The following LDLRAP1 variants were observed in gnomAD, a reference collection of about 807,000 sequenced individuals.
LDLRAP1 encodes low density lipoprotein receptor adaptor protein 1, also known as low density lipoprotein receptor adapter protein 1.
A neutral mutation model predicts 37.8 loss-of-function variants in LDLRAP1; 30 were observed. The observed-to-expected ratio is 0.79, with a 90% CI of 0.59 to 1.08. The LOEUF is 1.08. Among genes scored for constraint, LDLRAP1 ranks in the 50% least tolerant of loss-of-function variants. The pLI is 0.00. For missense variants in LDLRAP1, 375 were observed against 401.6 expected (o/e 0.93, Z 0.57); for synonymous variants, 156 against 169.8 (o/e 0.92, Z 0.63).
chr1:25,577,717 C>T, the LDLRAP1 span, among the ~76,000 whole-genome samples: 3 of 152,196 alleles, frequency 2.0e-5, no homozygotes, highest in African/African-American at 2.4e-5. Flanking sequence ...GGCCTGGCGC[C>T]GGGTGGCAGG....
chr1:25,580,549 C>T, the LDLRAP1 span, among the ~76,000 whole-genome samples: 1 of 152,160 alleles, frequency 6.6e-6, no homozygotes, highest in African/African-American at 2.4e-5. Context: ...CTCACATTGC[C>T]CAGGCTGAAG....
Position 25,557,282 on chromosome 1 carries a change from C to A in LDLRAP1, c.459+15C>A. On this transcript the variant is annotated intron_variant, in intron 4 of 8. Transcript: ENST00000374338. ...AGCGGAAGATGGTCAGCGGGGAGGG[C>A]TGGGGCGGGGACAGGGTCCAGTGGC... is the stretch of plus-strand genomic sequence containing the variant. 2 of 1,422,976 alleles carry A rather than the reference C, an allele frequency of 1.4e-6. No homozygotes were observed. The highest frequency in any genetic ancestry group is 1.1e-5 in the South Asian group (1 of 87,402). The allele number at this position is 1,422,976 out of a possible 1,614,324, so 88.1% of individuals were successfully genotyped here.
chr1:25,554,210 C>A lies in LDLRAP1; in HGVS notation c.231+146C>A. On this transcript the variant is annotated intron_variant, in intron 2 of 8. Coordinates refer to ENST00000374338, the MANE Select transcript of LDLRAP1 (RefSeq NM_015627.3). The surrounding 1 kb of genome is among the most constrained non-coding windows in gnomAD (Gnocchi z 5.4). Reference sequence around the variant, plus strand: ...ATTCTCCTTCCATCCAGCTTTTGGGCCTTGGCAGAGGGGAACCATTGGACT... The same window carrying A: ...ATTCTCCTTCCATCCAGCTTTTGGGACTTGGCAGAGGGGAACCATTGGACT... 2 of 1,067,594 alleles carry A rather than the reference C, an allele frequency of 1.9e-6. No individual in the cohort carries two copies. Among genetic ancestry groups the A allele is most frequent in the Non-Finnish European group, 2.7e-6 (2 of 735,442 alleles). The allele number at this position is 1,067,594 out of a possible 1,614,324, so 66.1% of individuals were successfully genotyped here. A position where few individuals can be genotyped will look rare whatever the true frequency, so the allele number is the denominator to read the frequency against.
chr1:25,589,003 C>G, the LDLRAP1 span, among the ~76,000 whole-genome samples: 2 of 152,162 alleles, frequency 1.3e-5, no homozygotes, highest in Non-Finnish European at 2.9e-5. Context: ...AGTGTTCCTT[C>G]CTCTAAGAAG....
chr1:25,580,156 C>T, the LDLRAP1 span, among the ~76,000 whole-genome samples: 3 of 152,176 alleles, frequency 2.0e-5, no homozygotes, highest in Non-Finnish European at 4.4e-5. Context: ...TGTCTGTTCT[C>T]CGCAGATTCA....
the LDLRAP1 span, among the ~76,000 whole-genome samples, chr1:25,581,082 TG>T: frequency 6.6e-6 from 1 of 152,068 alleles, no homozygotes; most frequent in Non-Finnish European, 1.5e-5. Flanking sequence ...TTGGCCTGCT[TG>T]GGGGCCGGTC....
chr1:25,589,908 C>G, the LDLRAP1 span, among the ~76,000 whole-genome samples: 1 of 152,230 alleles, frequency 6.6e-6, no homozygotes, highest in African/African-American at 2.4e-5. Flanking sequence ...CGAGGCCATC[C>G]TGGCCAACAT....
chr1:25,547,773 C>T (rs1044612263), intron 1 of LDLRAP1, among the ~76,000 whole-genome samples: 1 of 152,136 alleles, frequency 6.6e-6, no homozygotes, highest in Non-Finnish European at 1.5e-5. Context: ...AGGATAAGGG[C>T]GGCCACTGAC....
At chr1:25,560,545 T>A (rs1258060896) in intron 4 of LDLRAP1, among the ~76,000 whole-genome samples, 1 of 152,142 alleles carries the variant, frequency 6.6e-6, no homozygotes, top group East Asian at 1.9e-4. Flanking sequence ...GGGCTGATGG[T>A]AAGCAAAGTG....
the LDLRAP1 span, among the ~76,000 whole-genome samples, chr1:25,587,633 T>C: frequency 6.6e-6 from 1 of 152,192 alleles, no homozygotes; most frequent in African/African-American, 2.4e-5. Context: ...GGAAAGTTAG[T>C]GTTTCACCGA....
In LDLRAP1 at chr1:25,555,725, G is replaced by A. The variant is rs983902485; in HGVS notation, c.344+753G>A. On this transcript the variant is annotated intron_variant, in intron 3 of 8. Transcript: ENST00000374338. This position sits in a 1 kb window ranked among gnomAD's most constrained non-coding sequence, Gnocchi z 4.7. ...CAGGCCAGTAGTAGGGTCAGTAGAT[G>A]TGTGTTGTGGGGGTCTGGCTGATGT... 6.6e-6 allele frequency among the ~76,000 whole-genome samples: 1 copy of A among 152,200 alleles called. No individual in the cohort carries two copies. Among genetic ancestry groups the A allele is most frequent in the African/African-American group, 2.4e-5 (1 of 41,462 alleles).
chr1:25,544,284 G>A lies in LDLRAP1; in HGVS notation c.88+498G>A, dbSNP rs75544736. Among the ~76,000 whole-genome samples, 2,232 of 152,280 alleles carry A rather than the reference G, an allele frequency of 0.015. 53 individuals carry two copies. The highest frequency in any genetic ancestry group is 0.047 in the African/African-American group (1,961 of 41,556). ...TCCCGCCCCCTGCCCGACCCACCGG[G>A]CCAACTTTTGACTCCGGGTGCCCAG... On this transcript the variant is annotated intron_variant, in intron 1 of 8. Transcript: ENST00000374338. This position sits in a 1 kb window ranked among gnomAD's most constrained non-coding sequence, Gnocchi z 4.8.
At chr1:25,545,200 T>G (rs369629240) in intron 1 of LDLRAP1, among the ~76,000 whole-genome samples, 26 of 152,178 alleles carry the variant, frequency 1.7e-4, no homozygotes, top group African/African-American at 6.0e-4. Flanking sequence ...GGGAGAATCC[T>G]GCGGGTTTTC....
At chr1:25,549,613 A>G (rs369551693) in intron 1 of LDLRAP1, among the ~76,000 whole-genome samples, 25 of 152,334 alleles carry the variant, frequency 1.6e-4, no homozygotes, top group South Asian at 1.0e-3. Flanking sequence ...ATTACCCACT[A>G]CAGGGCCAAA....
At chr1:25,589,252 C>G in the LDLRAP1 span, among the ~76,000 whole-genome samples, 1 of 149,058 alleles carries the variant, frequency 6.7e-6, no homozygotes, top group African/African-American at 2.5e-5. Context: ...TGCAGTGGGC[C>G]GAGATCACAC....
rs990692653 is a variant in LDLRAP1 at position 25,563,063 on chromosome 1, C to A, written c.533-7C>A. ...AGGCTCCAACATGTTGTGCCTTGGTCCTGCAGAGAAAGAGAAGAGGGACAA... is the reference window on the plus strand; with the variant it reads ...AGGCTCCAACATGTTGTGCCTTGGTACTGCAGAGAAAGAGAAGAGGGACAA... On this transcript the variant is annotated splice_polypyrimidine_tract_variant and splice_region_variant and intron_variant, in intron 5 of 8. Transcript: ENST00000374338. 3 of 1,613,696 alleles carry A rather than the reference C, an allele frequency of 1.9e-6. No homozygotes were observed. The highest frequency in any genetic ancestry group is 1.7e-5 in the Admixed American group (1 of 59,994).
chr1:25,572,198 C>G (rs1334312265), downstream of LDLRAP1, among the ~76,000 whole-genome samples: 1 of 152,198 alleles, frequency 6.6e-6, no homozygotes, highest in African/African-American at 2.4e-5. Flanking sequence ...CAGCCTAGCA[C>G]CTGGCACAGA....
In LDLRAP1 at chr1:25,566,904, A is replaced by T; in HGVS notation, c.839A>T (p.Asp280Val). 1 of 1,613,378 alleles carries T rather than the reference A, an allele frequency of 6.2e-7. No homozygotes were observed. The highest frequency in any genetic ancestry group is 1.3e-5 in the African/African-American group (1 of 75,044). The change falls in exon 9 of 9, where the codon GAC (aspartate) becomes GTC (valine). Residue 280 changes from aspartate (D) to valine (V), a missense_variant. Asp to Val is a radical substitution (Grantham distance 152, BLOSUM62 -3). Transcript: ENST00000374338. ...QVLDTGLTAQDMHYAQCLSPV... is the reference protein window; with the variant it reads ...QVLDTGLTAQVMHYAQCLSPV... Reference sequence around the variant, plus strand: ...CTGGACACTGGCCTGACAGCCCAGGACATGCATTACGCCCAGTGCCTCTCG... The same window carrying T: ...CTGGACACTGGCCTGACAGCCCAGGTCATGCATTACGCCCAGTGCCTCTCG...
At chr1:25,566,647 G>A (rs1439237965) in intron 8 of LDLRAP1, among the ~76,000 whole-genome samples, 1 of 150,810 alleles carries the variant, frequency 6.6e-6, no homozygotes, top group Non-Finnish European at 1.5e-5. Flanking sequence ...TGGGTGCACC[G>A]CTGGCTGCCC....
Sources: gnomAD v4.1 joint callset for allele counts (sites outside exome capture counted in the v4.1 genomes callset) on GRCh38, gnomAD v4.1.1 for gene constraint, Gnocchi (gnomAD v3.1) non-coding constraint, MANE v1.5 for transcripts, NCBI Gene and HGNC (gene_info 2026-07-23, HGNC 2026-07-21) for gene names.